ZNF578: variants seen among roughly 807,000 people sequenced by gnomAD.
The protein encoded by ZNF578 is Putative chemokine-related protein B42.
A neutral mutation model predicts 8.3 loss-of-function variants in ZNF578; 8 were observed. The ratio of observed to expected loss-of-function variants is 0.96; its 90% CI spans 0.56 to 1.74. The LOEUF (loss-of-function observed/expected upper bound fraction) is 1.74. ZNF578 is among the 40% of genes most tolerant of loss of function. The probability of loss-of-function intolerance (pLI) is 0.00; values close to 1 mark genes in which losing one functional copy is unlikely to be tolerated. For synonymous variants in ZNF578, 206 were observed against 232.2 expected (o/e 0.89, Z 1.03); for missense variants, 726 against 707.5 (o/e 1.03, Z -0.30).
At chr19:52,496,855 T>G (rs542092413) in intron 3 of ZNF578, among the ~76,000 whole-genome samples, 59 of 151,846 alleles carry the variant, frequency 3.9e-4, no homozygotes, top group African/African-American at 1.3e-3. Flanking sequence ...CAGGCTGGTC[T>G]TGAACACCTG....
At position 52,510,910 on chromosome 19, in the gene ZNF578, G is replaced by T; in HGVS notation, c.529G>T (p.Ala177Ser). Residue 177 changes from alanine to serine, a missense_variant, in exon 6 of 6, where the codon GCT becomes TCT. Ala to Ser is a moderately conservative substitution (Grantham distance 99, BLOSUM62 1). Transcript: ENST00000421239. ...CATATTTCAGCCCGAAGAGAAAATT[G>T]CTAATCAAGTGGAGAAGTCTGTCAA... is the stretch of plus-strand genomic sequence containing the variant. ...LHIFQPEEKI[A>S]NQVEKSVNDA... The T allele has an allele frequency of 6.2e-7, 1 of 1,614,164 alleles. No homozygotes were observed. Among genetic ancestry groups the T allele is most frequent in the Non-Finnish European group, 8.5e-7 (1 of 1,180,036 alleles).
chr19:52,489,067 C>T (rs748916078), intron 2 of ZNF578, among the ~76,000 whole-genome samples: 7 of 152,024 alleles, frequency 4.6e-5, no homozygotes, highest in Non-Finnish European at 8.8e-5. Context: ...CCACTGCCCT[C>T]CAGCCTGGGT....
In ZNF578 at chr19:52,514,962, CTTTTTT is replaced by C. The variant is rs35788845; in HGVS notation, c.*2821_*2826del. ...AGGCATGAGCTACCACGTCGAGACT[CTTTTTT>C]TTTTTTTTTTTTAGATGGAGTTTTG... On this transcript the variant is annotated 3_prime_UTR_variant, in exon 6 of 6. Transcript: ENST00000421239. 1.7e-4 allele frequency among the ~76,000 whole-genome samples: 21 copies of C among 122,918 alleles called. No individual in the cohort carries two copies. The East Asian group carries it at 5.1e-3, about 30-fold the overall frequency. The allele number at this position is 122,918 out of a possible 152,430, so 80.6% of individuals were successfully genotyped here. A position where few individuals can be genotyped will look rare whatever the true frequency, so the allele number is the denominator to read the frequency against.
rs139192326 is a variant in ZNF578, at chr19:52,497,202, C to T, written c.-19-4625C>T. 6.2e-3 allele frequency among the ~76,000 whole-genome samples: 935 copies of T among 151,648 alleles called. 9 individuals are homozygous for T. Among genetic ancestry groups the T allele is most frequent in the African/African-American group, 0.021 (888 of 41,336 alleles). ...GCAACCTCCGCCTCCCAGGGTCAAGCGATTCTCCTGCCTCAGCCTCCTGAG... is the reference window on the plus strand; with the variant it reads ...GCAACCTCCGCCTCCCAGGGTCAAGTGATTCTCCTGCCTCAGCCTCCTGAG... On this transcript the variant is annotated intron_variant, in intron 3 of 5. Coordinates refer to ENST00000421239, the MANE Select transcript of ZNF578 (RefSeq NM_001099694.2).
chr19:52,479,093 G>T (rs1209215847), intron 2 of ZNF578, among the ~76,000 whole-genome samples: 1 of 152,008 alleles, frequency 6.6e-6, no homozygotes, highest in Non-Finnish European at 1.5e-5. Context: ...GAAACCATGG[G>T]TTATGCATGG....
chr19:52,484,003 A>G (rs2059336202), intron 2 of ZNF578, among the ~76,000 whole-genome samples: 1 of 152,168 alleles, frequency 6.6e-6, no homozygotes, highest in South Asian at 2.1e-4. Flanking sequence ...CGCTGGCTCC[A>G]GTCTCTGAGT....
At chr19:52,480,864 C>A (rs1468589325) in intron 2 of ZNF578, among the ~76,000 whole-genome samples, 2 of 150,092 alleles carry the variant, frequency 1.3e-5, no homozygotes, top group African/African-American at 4.9e-5. Context: ...CCACCGCACC[C>A]CAGTCTGGGT....
intron 5 of ZNF578, 85 bp from the exon 6 acceptor site, chr19:52,510,487 T>C: frequency 1.4e-6 from 2 of 1,390,252 alleles, no homozygotes; most frequent in Non-Finnish European, 1.9e-6. Context: ...AAAATAAGTA[T>C]TTTTTATTGT....
Position 52,515,915 on chromosome 19 carries a change from C to G in ZNF578, c.*3761C>G, listed in dbSNP as rs1309778333. ...AAAATCTAAAGCAGGTCACGTCAATCCCTGGCAGGGAACCCTCCACCGGCT... is the reference window on the plus strand; with the variant it reads ...AAAATCTAAAGCAGGTCACGTCAATGCCTGGCAGGGAACCCTCCACCGGCT... On this transcript the variant is annotated 3_prime_UTR_variant, in exon 6 of 6. Transcript: ENST00000421239. Among the ~76,000 whole-genome samples, 1 of 152,092 alleles carries G rather than the reference C, an allele frequency of 6.6e-6. No individual in the cohort carries two copies. The highest frequency in any genetic ancestry group is 1.5e-5 in the Non-Finnish European group (1 of 68,030).
At chr19:52,509,970 C>G (rs965722461) in intron 5 of ZNF578, among the ~76,000 whole-genome samples, 3 of 151,578 alleles carry the variant, frequency 2.0e-5, no homozygotes, top group Non-Finnish European at 4.4e-5. Flanking sequence ...CAACCTCTGC[C>G]TCCCCGGTTC....
At position 52,516,088 on chromosome 19, in the gene ZNF578, TC is replaced by T. The variant is rs1348301385; in HGVS notation, c.*3937del. Among the ~76,000 whole-genome samples, 1 of 152,046 alleles carries T rather than the reference TC, an allele frequency of 6.6e-6. No homozygotes were observed. The highest frequency in any genetic ancestry group is 1.5e-5 in the Non-Finnish European group (1 of 68,016). On this transcript the variant is annotated 3_prime_UTR_variant, in exon 6 of 6. Transcript: ENST00000421239. Reference sequence around the variant, plus strand: ...CCCAGTCACATTTGCTTTTCTCTTTTCCCAAACATCAAAACCCTTCCTGTCT... The same window carrying T: ...CCCAGTCACATTTGCTTTTCTCTTTTCCAAACATCAAAACCCTTCCTGTCT...
intron 2 of ZNF578, among the ~76,000 whole-genome samples, chr19:52,486,734 AAG>A (rs1187706153): frequency 1.3e-5 from 2 of 151,102 alleles, no homozygotes; most frequent in Non-Finnish European, 3.0e-5. Flanking sequence ...TGTATCAGGG[AAG>A]AGAGAATTTA....
intron 3 of ZNF578, among the ~76,000 whole-genome samples, chr19:52,498,111 A>T (rs1306874274): frequency 1.3e-5 from 2 of 152,178 alleles, no homozygotes; most frequent in South Asian, 4.1e-4. Flanking sequence ...TACAACTCGA[A>T]AGAAGTTTCC....
chr19:52,507,671 G>A (rs1270302052), intron 5 of ZNF578, among the ~76,000 whole-genome samples: 1 of 152,212 alleles, frequency 6.6e-6, no homozygotes, highest in African/African-American at 2.4e-5. Context: ...CCTTCTTCGT[G>A]GTTTAGCCCA....
Position 52,469,110 on chromosome 19 carries a change from G to A in ZNF578, c.-122+12152G>A, listed in dbSNP as rs149421488. Among the ~76,000 whole-genome samples, 506 of 150,268 alleles carry A rather than the reference G, an allele frequency of 3.4e-3. 5 individuals carry two copies. Among genetic ancestry groups the A allele is most frequent in the African/African-American group, 0.012 (482 of 40,828 alleles). ...TATATACATGTATCCCATTTGTTCT[G>A]TACCTATAGAGAACCCTGACTAATA... On this transcript the variant is annotated intron_variant, in intron 2 of 5. Transcript: ENST00000421239.
chr19:52,480,899 A>AGAT (rs1171961087), intron 2 of ZNF578, among the ~76,000 whole-genome samples: 16 of 106,688 alleles, frequency 1.5e-4, no homozygotes, highest in African/African-American at 5.5e-4. Flanking sequence ...CCATCTCAAA[A>AGAT]GATAATAATA....
rs1163542269 is a variant in ZNF578 at position 52,512,197 on chromosome 19, CAA to C, written c.*45_*46del. ...AACCTTACAAATGTGAAGCATGTGA[CAA>C]AGTTTTCAGTCACAGATCACGCCTT... On this transcript the variant is annotated 3_prime_UTR_variant, in exon 6 of 6. Transcript: ENST00000421239. The C allele has an allele frequency of 2.5e-6, 4 of 1,610,240 alleles. No homozygotes were observed. In the South Asian group the frequency reaches 4.4e-5, roughly 18 times the overall value.
Position 52,512,189 on chromosome 19 carries a change from G to C in ZNF578, c.*35G>C. On this transcript the variant is annotated 3_prime_UTR_variant, in exon 6 of 6. Transcript: ENST00000421239. ...TGGAGAGAAACCTTACAAATGTGAA[G>C]CATGTGACAAAGTTTTCAGTCACAG... 1 of 1,613,048 alleles carries C rather than the reference G, an allele frequency of 6.2e-7. No homozygotes were observed. The highest frequency in any genetic ancestry group is 2.2e-5 in the East Asian group (1 of 44,852).
chr19:52,463,403 C>G (rs115267777), intron 2 of ZNF578, among the ~76,000 whole-genome samples: 2,135 of 152,254 alleles, frequency 0.014, 50 homozygotes, highest in African/African-American at 0.048. Context: ...CAGGTGCCAA[C>G]CTTTGAGGCT....
Sources: allele counts gnomAD v4.1 joint callset (sites outside exome capture counted in the v4.1 genomes callset), GRCh38; gene constraint gnomAD v4.1.1; transcripts MANE v1.5; gene names NCBI Gene and HGNC (gene_info 2026-07-23, HGNC 2026-07-21).